Variants in GATA3 observed in about 807,000 individuals in gnomAD.
GATA3 encodes the protein GATA binding protein 3.
In GATA3, 6 loss-of-function variants were observed where a neutral mutation model predicts 36.0. That is an observed-to-expected ratio of 0.17 (90% CI 0.09 to 0.33). The LOEUF is 0.33. GATA3 is among the 10% of genes least tolerant of loss of function. The pLI is 1.00. For synonymous variants in GATA3, 326 were observed against 273.0 expected (o/e 1.19, Z -1.92); for missense variants, 514 against 610.1 (o/e 0.84, Z 1.66).
chr10:8,047,839 C>T (rs1400771128), intron 1 of GATA3, among the ~76,000 whole-genome samples: 1 of 152,168 alleles, frequency 6.6e-6, no homozygotes, highest in East Asian at 1.9e-4. Flanking sequence ...AGTCCGGGAC[C>T]AAGGGAGGCC....
upstream of GATA3, chr10:8,050,850 C>A: frequency 2.4e-6 from 1 of 416,494 alleles, no homozygotes; most frequent in Non-Finnish European, 4.9e-6. Flanking sequence ...TCCCCCTCCG[C>A]GGGATTAGTA....
rs1383317066 is a variant in GATA3, at chr10:8,074,806, G to A, written c.*783G>A. On this transcript the variant is annotated 3_prime_UTR_variant, in exon 6 of 6. Transcript: ENST00000379328. Reference sequence around the variant, plus strand: ...TAAATTTATTTACTGCTAGTCTTAAGAACTGCTTTCTTTCGTTTGTTTGTT... The same window carrying A: ...TAAATTTATTTACTGCTAGTCTTAAAAACTGCTTTCTTTCGTTTGTTTGTT... The A allele has an allele frequency of 8.6e-6, 2 of 233,632 alleles. No homozygotes were observed. The highest frequency in any genetic ancestry group is 1.7e-5 in the Non-Finnish European group (2 of 118,064). 14.5% of individuals were successfully genotyped at this position (233,632 alleles called of 1,614,324 possible).
intron 1 of GATA3, among the ~76,000 whole-genome samples, chr10:8,046,061 A>G (rs1045033856): frequency 1.3e-5 from 2 of 152,128 alleles, no homozygotes; most frequent in Non-Finnish European, 2.9e-5. Flanking sequence ...AGGGGTCCGG[A>G]GGCTTCTTTG....
Position 8,058,312 on chromosome 10 carries a change from G to A in GATA3, c.249G>A (p.Gln83=), listed in dbSNP as rs752260643. ...QRYPPTHHGS[Q]VCRPPLLHGS... The stretch of plus-strand genomic sequence containing the variant: ...TTCCCCGTTGCCCCACAGGGAGCCA[G>A]GTGTGCCGCCCGCCTCTGCTTCATG... Residue 83 remains glutamine, a synonymous_variant, in exon 3 of 6, where the codon CAG becomes CAA. Coordinates refer to ENST00000379328, the MANE Select transcript of GATA3 (RefSeq NM_001002295.2). 6.2e-7 allele frequency: 1 copy of A among 1,613,492 alleles called. No individual in the cohort carries two copies. Among genetic ancestry groups the A allele is most frequent in the Non-Finnish European group, 8.5e-7 (1 of 1,180,000 alleles).
At chr10:8,046,647 C>CTGTG (rs1564392141) in intron 1 of GATA3, among the ~76,000 whole-genome samples, 5 of 93,950 alleles carry the variant, frequency 5.3e-5, no homozygotes, top group Admixed American at 1.1e-4. Flanking sequence ...AAATGGCTGG[C>CTGTG]AGTGTGTGTG....
At chr10:8,066,372 A>C (rs1407962724) in intron 4 of GATA3, among the ~76,000 whole-genome samples, 1 of 151,574 alleles carries the variant, frequency 6.6e-6, no homozygotes, top group Non-Finnish European at 1.5e-5. Context: ...TGATGTTTTT[A>C]GTTCTATAGA....
chr10:8,059,917 A>G (rs1686518972), intron 3 of GATA3, among the ~76,000 whole-genome samples: 2 of 152,218 alleles, frequency 1.3e-5, no homozygotes, highest in Admixed American at 1.3e-4. Flanking sequence ...CTCTTCTCTG[A>G]TCGGCTCCAG....
chr10:8,055,301 G>A lies in GATA3; in HGVS notation c.-355G>A, dbSNP rs2131480959. 1 of 431,980 alleles carries A rather than the reference G, an allele frequency of 2.3e-6. No homozygotes were observed. The highest frequency in any genetic ancestry group is 2.4e-5 in the South Asian group (1 of 41,852). 26.8% of individuals were successfully genotyped at this position (431,980 alleles called of 1,614,324 possible). A position where few individuals can be genotyped will look rare whatever the true frequency, so the allele number is the denominator to read the frequency against. Reference sequence around the variant, plus strand: ...CTCCCTTGCAGGTGACCCGAGGAGGGACTCCGCCTCCGAGCGGCTGAGGAC... The same window carrying A: ...CTCCCTTGCAGGTGACCCGAGGAGGAACTCCGCCTCCGAGCGGCTGAGGAC... On this transcript the variant is annotated 5_prime_UTR_variant, in exon 2 of 6. Transcript: ENST00000379328. This position sits in a 1 kb window ranked among gnomAD's most constrained non-coding sequence, Gnocchi z 5.4.
rs1030846960 is a variant in GATA3 at position 8,048,200 on chromosome 10, G to C, written c.-370+2685G>C. 2.0e-5 allele frequency among the ~76,000 whole-genome samples: 3 copies of C among 152,300 alleles called. No homozygotes were observed. In the East Asian group the frequency reaches 5.8e-4, roughly 29 times the overall value. On this transcript the variant is annotated intron_variant, in intron 1 of 1. Transcript: ENST00000643001. Reference sequence around the variant, plus strand: ...CGGAGGAGACTCGGCTGAGGCCAGCGCTGGGGGTTGGGGCTGTGGTTGGCC... The same window carrying C: ...CGGAGGAGACTCGGCTGAGGCCAGCCCTGGGGGTTGGGGCTGTGGTTGGCC...
chr10:8,062,021 A>G (rs1178762310), intron 3 of GATA3, among the ~76,000 whole-genome samples: 5 of 152,180 alleles, frequency 3.3e-5, no homozygotes, highest in African/African-American at 9.6e-5. Flanking sequence ...AGCAGCCACC[A>G]GCGACACAAA....
upstream of GATA3, chr10:8,050,606 G>T (rs1296600288): frequency 5.0e-6 from 1 of 199,930 alleles, no homozygotes; most frequent in Non-Finnish European, 1.0e-5. Flanking sequence ...CCCCAGCCCC[G>T]CAGATTCCCG....
intron 5 of GATA3, among the ~76,000 whole-genome samples, chr10:8,072,890 C>T (rs566045903): frequency 1.3e-3 from 204 of 152,160 alleles, no homozygotes; most frequent in African/African-American, 4.9e-3. Flanking sequence ...CTCATGCCTG[C>T]AATTCCAGCA....
chr10:8,047,501 C>CT (rs1248882532), intron 1 of GATA3, among the ~76,000 whole-genome samples: 1 of 152,242 alleles, frequency 6.6e-6, no homozygotes, highest in Non-Finnish European at 1.5e-5. Context: ...CCCATCACCT[C>CT]TTTTTTACTT....
chr10:8,066,610 C>A (rs1172779255), intron 4 of GATA3, among the ~76,000 whole-genome samples: 2 of 152,132 alleles, frequency 1.3e-5, no homozygotes, highest in African/African-American at 2.4e-5. Flanking sequence ...CCATATATAG[C>A]TAGCTCTTCT....
upstream of GATA3, chr10:8,050,379 T>A (rs913646924): frequency 6.6e-6 from 1 of 152,266 alleles, no homozygotes; most frequent in Non-Finnish European, 1.5e-5. Flanking sequence ...CGGACCCGGC[T>A]GGTGCGGGGT....
chr10:8,066,450 CTT>C (rs774012162), intron 4 of GATA3, among the ~76,000 whole-genome samples: 1 of 101,230 alleles, frequency 9.9e-6, no homozygotes, highest in Non-Finnish European at 2.3e-5. Context: ...TTCTTTCTTT[CTT>C]TTTTTTTTTT....
intron 1 of GATA3, among the ~76,000 whole-genome samples, chr10:8,047,809 AG>A (rs1201320039): frequency 1.3e-5 from 2 of 152,044 alleles, no homozygotes; most frequent in East Asian, 3.9e-4. Context: ...GCCCGGAGGG[AG>A]GGGCTGCGGG....
rs3824668 is a variant in GATA3, at chr10:8,058,018, C to G, written c.242-287C>G. 2.5e-3 allele frequency among the ~76,000 whole-genome samples: 381 copies of G among 152,246 alleles called. 1 individual carries two copies. The highest frequency in any genetic ancestry group is 0.013 in the East Asian group (65 of 5,174). ...CAAATAAGCAAAGGGGCCCTTCTCC[C>G]CCTCTGCAGCAACCTCTCGGGTGTC... On this transcript the variant is annotated intron_variant, in intron 2 of 5. Transcript: ENST00000379328.
intron 4 of GATA3, among the ~76,000 whole-genome samples, chr10:8,066,109 A>AGAGGGATTAAAAGTCTC (rs1233066825): frequency 1.8e-4 from 27 of 152,028 alleles, no homozygotes; most frequent in African/African-American, 4.6e-4. Flanking sequence ...AGAAGGAAAA[A>AGAGGGATTAAAAGTCTC]GAGGGATTAA....
Sources: gnomAD v4.1 joint callset for allele counts (sites outside exome capture counted in the v4.1 genomes callset) on GRCh38, gnomAD v4.1.1 for gene constraint, Gnocchi (gnomAD v3.1) non-coding constraint, MANE v1.5 for transcripts, NCBI Gene and HGNC (gene_info 2026-07-23, HGNC 2026-07-21) for gene names.